TPRN: variants seen among roughly 807,000 people sequenced by gnomAD.
The protein encoded by TPRN is chromosome 9 open reading frame 75.
TPRN carries 32 observed loss-of-function variants against 42.6 expected under a neutral mutation model. That is an observed-to-expected ratio of 0.75 (90% CI 0.57 to 1.01). The LOEUF is 1.01. Among genes scored for constraint, TPRN ranks in the 50% least tolerant of loss-of-function variants. The pLI, the probability that TPRN is intolerant of heterozygous loss-of-function variation, is 0.00. For missense variants in TPRN, 1,095 were observed against 957.5 expected, an observed-to-expected ratio of 1.14 and a Z score of -1.90; for synonymous variants, 541 against 445.6, an observed-to-expected ratio of 1.21 and a Z score of -2.70.
Position 137,199,519 on chromosome 9 carries a change from G to GC in TPRN, c.1192dup (p.Ala398GlyfsTer11). ...GAGGGCGGTGGCTGTCCTGGGACAG[G>GC]CCCCCTCCTCGACTGCCCACTGTGC... is the stretch of plus-strand genomic sequence containing the variant. On this transcript the variant is annotated frameshift_variant, in exon 1 of 4. Coordinates refer to ENST00000409012, the MANE Select transcript of TPRN (RefSeq NM_001128228.3). LOFTEE classifies it high-confidence loss of function. 1.9e-6 allele frequency: 3 copies of GC among 1,573,378 alleles called. No individual in the cohort carries two copies. The highest frequency in any genetic ancestry group is 2.6e-6 in the Non-Finnish European group (3 of 1,160,076).
At chr9:137,195,771 G>T (rs1425704645) in intron 1 of TPRN, among the ~76,000 whole-genome samples, 1 of 152,208 alleles carries the variant, frequency 6.6e-6, no homozygotes, top group Non-Finnish European at 1.5e-5. Context: ...GTAGGAGCCA[G>T]GCCAGGTGGT....
Position 137,200,430 on chromosome 9 carries a change from G to T in TPRN, c.282C>A (p.Ala94=). Residue 94 remains alanine (A), a synonymous_variant, in exon 1 of 4, where the codon GCC becomes GCA. Transcript: ENST00000409012. This position sits in a 1 kb window ranked among gnomAD's most constrained non-coding sequence, Gnocchi z 4.3. The part of the protein sequence containing the change: ...RRVPGVRALR[A]DSVLIIETVP... ...CCGTCTCGATGATGAGGACGCTGTC[G>T]GCGCGGAGGGCGCGCACGCCAGGCA... The T allele has an allele frequency of 8.9e-7, 1 of 1,119,058 alleles. No individual in the cohort carries two copies. Among genetic ancestry groups the T allele is most frequent in the Non-Finnish European group, 1.1e-6 (1 of 913,474 alleles). The allele number at this position is 1,119,058 out of a possible 1,614,324, so 69.3% of individuals were successfully genotyped here.
intron 1 of TPRN, chr9:137,193,175 T>C (rs1834652714): frequency 5.6e-6 from 1 of 179,408 alleles, no homozygotes; most frequent in Non-Finnish European, 1.2e-5. Flanking sequence ...GGCCTCTCTC[T>C]AAAGCCAAGT....
intron 1 of TPRN, chr9:137,193,224 G>C (rs1239690366): frequency 1.8e-5 from 3 of 166,928 alleles, no homozygotes; most frequent in African/African-American, 7.2e-5. Flanking sequence ...CAATCCAGCA[G>C]AGCATGGACC....
rs924869734 is a variant in TPRN, at chr9:137,198,093, C to G, written c.1725+894G>C. Among the ~76,000 whole-genome samples, 3 of 152,142 alleles carry G rather than the reference C, an allele frequency of 2.0e-5. No individual in the cohort carries two copies. The East Asian group carries it at 5.8e-4, about 29-fold the overall frequency. The stretch of plus-strand genomic sequence containing the variant: ...CCGCCTCAGGGGTGAGCCTAGCCAG[C>G]AATGGCTCTGGGGCAGTGCCTGGAT... On this transcript the variant is annotated intron_variant, in intron 1 of 3. Transcript: ENST00000409012.
At position 137,200,707 on chromosome 9, in the gene TPRN, GC is replaced by G; in HGVS notation, c.4del (p.Ala2ProfsTer29). 1 of 1,170,376 alleles carries G rather than the reference GC, an allele frequency of 8.5e-7. No homozygotes were observed. 72.5% of individuals were successfully genotyped at this position (1,170,376 alleles called of 1,614,324 possible). ...CCCCGAGCCCGGCCGCCCCAGGGCG[GC>G]CATGCTGCGAACGCGGCAGCGGACG... M[A>X]ALGRPGSGPR... On this transcript the variant is annotated frameshift_variant, in exon 1 of 4. Transcript: ENST00000409012. LOFTEE classifies it high-confidence loss of function. The surrounding 1 kb of genome is among the most constrained non-coding windows in gnomAD (Gnocchi z 4.3).
chr9:137,197,241 G>A (rs1834719646), intron 1 of TPRN, among the ~76,000 whole-genome samples: 1 of 152,206 alleles, frequency 6.6e-6, no homozygotes, highest in African/African-American at 2.4e-5. Context: ...TGGGATTATA[G>A]GCGCCCGCCA....
intron 1 of TPRN, among the ~76,000 whole-genome samples, chr9:137,198,578 C>T (rs928846274): frequency 6.6e-5 from 10 of 152,240 alleles, no homozygotes; most frequent in Non-Finnish European, 1.2e-4. Flanking sequence ...GCCCATGCAG[C>T]GGGCCTCCAG....
Position 137,192,269 on chromosome 9 carries a change from A to C in TPRN, c.2063T>G (p.Val688Gly). The change falls in exon 3 of 4, where the codon GTG becomes GGG. Residue 688 changes from valine to glycine, a missense_variant. Physicochemically the swap from Val to Gly is moderately radical, Grantham distance 109. Transcript: ENST00000409012. ...TCCCCCGCATCTCACCATGGCCTCC[A>C]CGGGCGGGGGCTCTGCCTCCCTCGG... ...QAPREAEPPPVEAMLTPASQN... is the reference protein window; with the variant it reads ...QAPREAEPPPGEAMLTPASQN... The C allele has an allele frequency of 6.2e-7, 1 of 1,613,036 alleles. No individual in the cohort carries two copies. Among genetic ancestry groups the C allele is most frequent in the Non-Finnish European group, 8.5e-7 (1 of 1,180,004 alleles).
chr9:137,191,949 GC>G lies in TPRN; in HGVS notation c.*162del, dbSNP rs1003761407. The G allele has an allele frequency of 2.4e-5, 20 of 847,118 alleles. No individual in the cohort carries two copies. The African/African-American group carries it at 2.8e-4, about 12-fold the overall frequency. 52.5% of individuals were successfully genotyped at this position (847,118 alleles called of 1,614,324 possible). ...GGCCGGGGAGTGAGACCCAGACCTGGCCCCGATGGCAGGAGGCACCCTAGCT... is the reference window on the plus strand; with the variant it reads ...GGCCGGGGAGTGAGACCCAGACCTGGCCCGATGGCAGGAGGCACCCTAGCT... On this transcript the variant is annotated 3_prime_UTR_variant, in exon 4 of 4. Transcript: ENST00000409012.
In TPRN at chr9:137,199,804, G is replaced by T; in HGVS notation, c.908C>A (p.Pro303His). The change falls in exon 1 of 4, where the codon CCC becomes CAC. Residue 303 changes from proline (P) to histidine (H), a missense_variant. Transcript: ENST00000409012. Reference protein sequence around the residue: ...TNDSFEIRPAPKPVMETIPLG... With the variant: ...TNDSFEIRPAHKPVMETIPLG... ...GGGGATGGTCTCCATAACTGGCTTG[G>T]GGGCCGGCCGTATCTCGAAGGAGTC... 6.3e-7 allele frequency: 1 copy of T among 1,598,676 alleles called. No homozygotes were observed. Among genetic ancestry groups the T allele is most frequent in the Non-Finnish European group, 8.5e-7 (1 of 1,173,310 alleles).
rs1311399212 is a variant in TPRN at position 137,199,897 on chromosome 9, G to C, written c.815C>G (p.Pro272Arg). The part of the protein sequence containing the change: ...PPSPGTPSAT[P>R]ASPPASATPS... ...AGTGGCACTGGCAGGGGGTGAGGCT[G>C]GAGTGGCACTCGGGGTCCCGGGGCT... Residue 272 changes from proline (P) to arginine (R), a missense_variant, in exon 1 of 4, where the codon CCA becomes CGA. Coordinates refer to ENST00000409012, the MANE Select transcript of TPRN (RefSeq NM_001128228.3). 1 of 1,529,404 alleles carries C rather than the reference G, an allele frequency of 6.5e-7. No homozygotes were observed. The highest frequency in any genetic ancestry group is 2.5e-5 in the East Asian group (1 of 40,594). The allele number at this position is 1,529,404 out of a possible 1,614,324, so 94.7% of individuals were successfully genotyped here.
In TPRN at chr9:137,199,233, A is replaced by G; in HGVS notation, c.1479T>C (p.Leu493=). The G allele has an allele frequency of 6.2e-7, 1 of 1,612,926 alleles. No homozygotes were observed. Among genetic ancestry groups the G allele is most frequent in the East Asian group, 2.2e-5 (1 of 44,878 alleles). The change falls in exon 1 of 4, where the codon CTT becomes CTC. Residue 493 remains leucine, a synonymous_variant. Transcript: ENST00000409012. ...HPARPGCVAE[L]QPRGSNTFTV... ...TGAAGGTGTTGCTGCCCCGGGGCTG[A>G]AGCTCTGCCACGCACCCGGGCCTGG...
chr9:137,196,500 T>C (rs1405231547), intron 1 of TPRN, among the ~76,000 whole-genome samples: 1 of 152,082 alleles, frequency 6.6e-6, no homozygotes, highest in Non-Finnish European at 1.5e-5. Flanking sequence ...GGCAGGAGAA[T>C]CGCTTGAACC....
At chr9:137,198,579 G>A (rs960425552) in intron 1 of TPRN, among the ~76,000 whole-genome samples, 4 of 152,234 alleles carry the variant, frequency 2.6e-5, no homozygotes, top group Non-Finnish European at 4.4e-5. Context: ...CCCATGCAGC[G>A]GGCCTCCAGG....
At position 137,192,474 on chromosome 9, in the gene TPRN, G is replaced by A; in HGVS notation, c.1943C>T (p.Ser648Phe). Residue 648 changes from serine to phenylalanine, a missense_variant, in exon 2 of 4, where the codon TCT becomes TTT. Coordinates refer to ENST00000409012, the MANE Select transcript of TPRN (RefSeq NM_001128228.3). ...TFVSSVRPES[S>F]RLPEGSSGLS... ...ACCTGAGCTACCCTCTGGCAGCCGA[G>A]AGCTCTCGGGTCTCACGCTGCTCAC... The A allele has an allele frequency of 1.9e-6, 3 of 1,606,156 alleles. No individual in the cohort carries two copies. The highest frequency in any genetic ancestry group is 2.5e-6 in the Non-Finnish European group (3 of 1,176,750).
chr9:137,199,450 G>T lies in TPRN; in HGVS notation c.1262C>A (p.Pro421His), dbSNP rs554413595. Residue 421 changes from proline (P) to histidine (H), a missense_variant, in exon 1 of 4, where the codon CCC (proline) becomes CAC (histidine). Coordinates refer to ENST00000409012, the MANE Select transcript of TPRN (RefSeq NM_001128228.3). Reference sequence around the variant, plus strand: ...TTCTTCCGAAGCAGCCGGCAGGAAGGGGGGCGGTGAGGACGGCCTCTGCCA... The same window carrying T: ...TTCTTCCGAAGCAGCCGGCAGGAAGTGGGGCGGTGAGGACGGCCTCTGCCA... Reference protein sequence around the residue: ...IRWQRPSSPPPFLPAASEEAE... With the variant: ...IRWQRPSSPPHFLPAASEEAE... The T allele has an allele frequency of 1.8e-5, 29 of 1,607,974 alleles. No homozygotes were observed. The highest frequency in any genetic ancestry group is 4.5e-5 in the East Asian group (2 of 44,654).
Position 137,199,236 on chromosome 9 carries a change from C to T in TPRN, c.1476G>A (p.Glu492=), listed in dbSNP as rs1351295989. 1.9e-6 allele frequency: 3 copies of T among 1,613,010 alleles called. No individual in the cohort carries two copies. The highest frequency in any genetic ancestry group is 2.5e-6 in the Non-Finnish European group (3 of 1,180,010). ...AGGTGTTGCTGCCCCGGGGCTGAAG[C>T]TCTGCCACGCACCCGGGCCTGGCAG... ...LHPARPGCVA[E]LQPRGSNTFT... is the part of the protein sequence containing the mutation. The change falls in exon 1 of 4, where the codon GAG becomes GAA. Residue 492 remains glutamate, a synonymous_variant. Coordinates refer to ENST00000409012, the MANE Select transcript of TPRN (RefSeq NM_001128228.3).
chr9:137,198,108 A>G (rs1190128438), intron 1 of TPRN, among the ~76,000 whole-genome samples: 2 of 152,174 alleles, frequency 1.3e-5, no homozygotes, highest in Non-Finnish European at 2.9e-5. Flanking sequence ...GCTCTGGGGC[A>G]GTGCCTGGAT....
Sources: gnomAD v4.1 joint callset for allele counts (sites outside exome capture counted in the v4.1 genomes callset) on GRCh38, gnomAD v4.1.1 for gene constraint, Gnocchi (gnomAD v3.1) non-coding constraint, MANE v1.5 for transcripts, NCBI Gene and HGNC (gene_info 2026-07-23, HGNC 2026-07-21) for gene names.